PUDP: variants seen among roughly 807,000 people sequenced by gnomAD.
PUDP encodes pseudouridine-5'-phosphatase.
PUDP carries 8 observed loss-of-function variants against 9.4 expected under a neutral mutation model. The ratio of observed to expected loss-of-function variants is 0.85; its 90% CI spans 0.50 to 1.53. PUDP has a LOEUF of 1.53. Ranked by LOEUF, PUDP falls within the 40% of genes most tolerant of loss-of-function variation. PUDP has a pLI of 0.00. For synonymous variants in PUDP, 99 were observed against 80.7 expected, an observed-to-expected ratio of 1.23 and a Z score of -1.22; for missense variants, 188 against 189.7, an observed-to-expected ratio of 0.99 and a Z score of 0.05.
intron 1 of PUDP, among the ~76,000 whole-genome samples, chrX:7,139,822 C>T (rs150007771): frequency 0.011 from 1,270 of 112,109 alleles, 9 homozygotes; most frequent in Non-Finnish European, 0.019. Context: ...AAGGGCCCCA[C>T]CAAGCGCCAC....
At chrX:7,109,422 T>C (rs932174227) in intron 1 of PUDP, among the ~76,000 whole-genome samples, 2 of 112,243 alleles carry the variant, frequency 1.8e-5, no homozygotes, top group Non-Finnish European at 3.8e-5. Context: ...GGCAGGACGA[T>C]GGAGGTGCTC....
intron 2 of PUDP, among the ~76,000 whole-genome samples, chrX:7,093,387 TC>T (rs1225961659): frequency 8.9e-6 from 1 of 112,300 alleles, no homozygotes; most frequent in Non-Finnish European, 1.9e-5. Context: ...TCTCCTACCT[TC>T]TCTGTGTGGC....
intron 1 of PUDP, among the ~76,000 whole-genome samples, chrX:7,041,865 CTCTT>C (rs1251797405): frequency 7.4e-5 from 3 of 40,456 alleles, no homozygotes; most frequent in Non-Finnish European, 1.1e-4. Flanking sequence ...CTCTCTCTCT[CTCTT>C]TTTTTTTTTT....
At chrX:6,770,278 T>A (rs1925342822) in intron 3 of PUDP, among the ~76,000 whole-genome samples, 1 of 112,489 alleles carries the variant, frequency 8.9e-6, no homozygotes, top group Admixed American at 9.4e-5. Flanking sequence ...GTGGCTGCTT[T>A]TCTTCTACAA....
intron 2 of PUDP, among the ~76,000 whole-genome samples, chrX:7,089,800 G>A (rs1931370195): frequency 1.8e-5 from 2 of 111,749 alleles, no homozygotes; most frequent in Non-Finnish European, 1.9e-5. Context: ...CATGGGGTCT[G>A]TAAAGCTGAA....
chrX:6,834,698 A>T (rs1157708262), intron 3 of PUDP, among the ~76,000 whole-genome samples: 1 of 111,498 alleles, frequency 9.0e-6, no homozygotes, highest in African/African-American at 3.3e-5. Flanking sequence ...AATAACAGAA[A>T]TCAATTGACT....
chrX:7,035,279 T>C (rs1053564988), intron 1 of PUDP, among the ~76,000 whole-genome samples: 3 of 112,018 alleles, frequency 2.7e-5, no homozygotes, highest in African/African-American at 9.7e-5. Context: ...TATTCTTATT[T>C]TGAGGTAATA....
Position 6,824,153 on chromosome X carries a change from C to G in PUDP, c.*248-117687G>C, listed in dbSNP as rs543554400. Among the ~76,000 whole-genome samples the G allele has an allele frequency of 9.1e-4, 102 of 111,831 alleles. 1 individual carries two copies. The South Asian group carries it at 0.038, about 42-fold the overall frequency. ...CATGGGGGCAGTCACCACCCCTATGCTGCTGTTCTTGTGATAGTGAGTGGG... is the reference window on the plus strand; with the variant it reads ...CATGGGGGCAGTCACCACCCCTATGGTGCTGTTCTTGTGATAGTGAGTGGG... On this transcript the variant is annotated intron_variant and NMD_transcript_variant, in intron 3 of 3. Transcript: ENST00000655425.
chrX:7,009,075 T>C (rs1383341213), intron 1 of PUDP, among the ~76,000 whole-genome samples: 1 of 112,514 alleles, frequency 8.9e-6, no homozygotes, highest in Admixed American at 9.4e-5. Context: ...CTCTATCACA[T>C]ATGAAATAAA....
At chrX:7,059,506 G>A (rs987444768) in intron 3 of PUDP, among the ~76,000 whole-genome samples, 4 of 111,815 alleles carry the variant, frequency 3.6e-5, no homozygotes, top group African/African-American at 1.3e-4. Flanking sequence ...CCTTCTGCAT[G>A]AGACTCATGA....
chrX:6,915,035 T>A (rs1049865147), intron 3 of PUDP, among the ~76,000 whole-genome samples: 1 of 112,383 alleles, frequency 8.9e-6, no homozygotes, highest in African/African-American at 3.2e-5. Flanking sequence ...ATCACATTTT[T>A]AAAAAATGTC....
At chrX:6,885,638 A>G (rs1927411753) in intron 3 of PUDP, among the ~76,000 whole-genome samples, 1 of 112,297 alleles carries the variant, frequency 8.9e-6, no homozygotes, top group Non-Finnish European at 1.9e-5. Flanking sequence ...TGGTTTGCAC[A>G]GTGTCTGTGC....
chrX:6,712,797 C>T (rs1388117392), intron 1 of PUDP, among the ~76,000 whole-genome samples: 1 of 111,686 alleles, frequency 9.0e-6, no homozygotes, highest in Non-Finnish European at 1.9e-5. Flanking sequence ...CCTGTAATCC[C>T]AGCACTTTAG....
At chrX:7,132,138 A>G (rs774403869) in intron 1 of PUDP, among the ~76,000 whole-genome samples, 2 of 110,778 alleles carry the variant, frequency 1.8e-5, no homozygotes, top group Admixed American at 1.9e-4. Context: ...ATGCTGTTGT[A>G]TTCATTTGAC....
Position 7,077,370 on chromosome X carries a change from G to A in PUDP, c.360C>T (p.Phe120=), listed in dbSNP as rs1443591531. 1.3e-5 allele frequency: 16 copies of A among 1,208,633 alleles called. No individual in the cohort carries two copies. The highest frequency in any genetic ancestry group is 2.3e-4 in the Middle Eastern group (1 of 4,374). ...CCTTGTGGCGGCTTGTCTTCATATCGAACGACGCGGACCCCGAGCTGGTGG... is the reference window on the plus strand; with the variant it reads ...CCTTGTGGCGGCTTGTCTTCATATCAAACGACGCGGACCCCGAGCTGGTGG... ...ALATSSGSAS[F]DMKTSRHKEF... Residue 120 remains phenylalanine (F), a synonymous_variant, in exon 3 of 4, where the codon TTC becomes TTT. Transcript: ENST00000381077.
intron 3 of PUDP, among the ~76,000 whole-genome samples, chrX:6,828,542 T>C (rs1270219705): frequency 8.9e-6 from 1 of 111,897 alleles, no homozygotes; most frequent in Non-Finnish European, 1.9e-5. Flanking sequence ...TGACCTTCCA[T>C]GGACACATCA....
At position 6,987,012 on chromosome X, in the gene PUDP, A is replaced by G. The variant is rs111565227; in HGVS notation, c.205-8669T>C. 4.2e-3 allele frequency among the ~76,000 whole-genome samples: 466 copies of G among 111,645 alleles called. 3 individuals carry two copies. The highest frequency in any genetic ancestry group is 0.015 in the African/African-American group (448 of 30,714). ...CAAGACCCACCCCATTTCATCCACCATCCAGCCGAAATAAAAGTAAAGGCT... is the reference window on the plus strand; with the variant it reads ...CAAGACCCACCCCATTTCATCCACCGTCCAGCCGAAATAAAAGTAAAGGCT... On this transcript the variant is annotated intron_variant and NMD_transcript_variant, in intron 1 of 3. Coordinates refer to the PUDP transcript ENST00000655425.
At chrX:6,762,657 A>T (rs1283215356) in intron 3 of PUDP, among the ~76,000 whole-genome samples, 1 of 112,524 alleles carries the variant, frequency 8.9e-6, no homozygotes, top group African/African-American at 3.2e-5. Context: ...TACTTAAAAT[A>T]GCAGGAGAAT....
At chrX:6,841,275 C>CAA (rs60013748) in intron 3 of PUDP, among the ~76,000 whole-genome samples, 64 of 92,209 alleles carry the variant, frequency 6.9e-4, no homozygotes, top group Middle Eastern at 6.7e-3. Context: ...AACTCTGCCT[C>CAA]AAAAAAAAAA....
Sources: gnomAD v4.1 joint callset for allele counts (sites outside exome capture counted in the v4.1 genomes callset) on GRCh38, gnomAD v4.1.1 for gene constraint, MANE v1.5 for transcripts, NCBI Gene and HGNC (gene_info 2026-07-23, HGNC 2026-07-21) for gene names.